LINGO1: variants seen among roughly 807,000 people sequenced by gnomAD.
The protein encoded by LINGO1 is leucine-rich repeat and immunoglobulin-like domain-containing nogo receptor-interacting protein 1.
LINGO1 carries 11 observed loss-of-function variants against 37.3 expected under a neutral mutation model. That is an observed-to-expected ratio of 0.29 (90% CI 0.19 to 0.49). The LOEUF (loss-of-function observed/expected upper bound fraction) is 0.49. Among genes scored for constraint, LINGO1 ranks in the 20% least tolerant of loss-of-function variants. The pLI is 0.99. For synonymous variants in LINGO1, 387 were observed against 403.0 expected, an observed-to-expected ratio of 0.96 and a Z score of 0.48; for missense variants, 585 against 878.2, an observed-to-expected ratio of 0.67 and a Z score of 4.22.
chr15:77,707,714 G>C (rs1596138533), intron 2 of LINGO1, among the ~76,000 whole-genome samples: 1 of 152,332 alleles, frequency 6.6e-6, no homozygotes, highest in East Asian at 1.9e-4. Context: ...CACTGGGCAA[G>C]CTCCAGCAGC....
At chr15:77,769,761 C>T (rs570323128) in intron 1 of LINGO1, among the ~76,000 whole-genome samples, 1 of 152,146 alleles carries the variant, frequency 6.6e-6, no homozygotes, top group South Asian at 2.1e-4. Flanking sequence ...CAGAGGCATT[C>T]CCTGGAAAAG....
rs537840092 is a variant in LINGO1 at position 77,801,029 on chromosome 15, A to G, written c.-457-4976T>C. Among the ~76,000 whole-genome samples, 7 of 152,338 alleles carry G rather than the reference A, an allele frequency of 4.6e-5. No homozygotes were observed. The South Asian group carries it at 1.5e-3, about 32-fold the overall frequency. ...TGATTGATAACAAGCAGTGCTGGCAAGGATGTGGGGAAATGAGCACTCCCA... is the reference window on the plus strand; with the variant it reads ...TGATTGATAACAAGCAGTGCTGGCAGGGATGTGGGGAAATGAGCACTCCCA... On this transcript the variant is annotated intron_variant, in intron 1 of 5. Transcript: ENST00000562933.
upstream of LINGO1, among the ~76,000 whole-genome samples, chr15:77,790,866 A>C (rs1258979987): frequency 6.6e-6 from 1 of 152,200 alleles, no homozygotes; most frequent in Non-Finnish European, 1.5e-5. Flanking sequence ...CCTTGGAGAG[A>C]GTGAGGTCCC....
intron 1 of LINGO1, among the ~76,000 whole-genome samples, chr15:77,786,453 G>A (rs1028209331): frequency 2.6e-5 from 4 of 152,112 alleles, no homozygotes; most frequent in Admixed American, 2.0e-4. Flanking sequence ...CAGACTGCTG[G>A]ATGGTCCCCA....
intron 1 of LINGO1, among the ~76,000 whole-genome samples, chr15:77,758,009 G>T (rs543317211): frequency 1.7e-4 from 26 of 152,316 alleles, no homozygotes; most frequent in African/African-American, 6.3e-4. Context: ...TGACACTGTA[G>T]GAATGGATTT....
intron 1 of LINGO1, among the ~76,000 whole-genome samples, chr15:77,781,673 A>G (rs1045974382): frequency 8.5e-5 from 13 of 152,168 alleles, no homozygotes; most frequent in Non-Finnish European, 1.5e-4. Context: ...TCACATGGAG[A>G]TGGCAGGTGT....
intron 3 of LINGO1, among the ~76,000 whole-genome samples, chr15:77,673,541 C>T (rs2075284580): frequency 6.6e-6 from 1 of 152,216 alleles, no homozygotes; most frequent in South Asian, 2.1e-4. Context: ...CCAGGACATA[C>T]ATGCCTGGTT....
chr15:77,613,934 CG>C lies in LINGO1; in HGVS notation c.*109del. On this transcript the variant is annotated 3_prime_UTR_variant, in exon 2 of 2. Transcript: ENST00000355300. ...ACGGAGGCGGGAGGGAGAAAGAGAACGTGTGTAGAAGGGTAGGGAGGAGGTG... is the reference window on the plus strand; with the variant it reads ...ACGGAGGCGGGAGGGAGAAAGAGAACTGTGTAGAAGGGTAGGGAGGAGGTG... The C allele has an allele frequency of 1.1e-6, 1 of 881,552 alleles. No homozygotes were observed. The highest frequency in any genetic ancestry group is 1.7e-6 in the Non-Finnish European group (1 of 589,460). 54.6% of individuals were successfully genotyped at this position (881,552 alleles called of 1,614,324 possible).
chr15:77,713,468 G>A (rs1228061619), intron 2 of LINGO1, among the ~76,000 whole-genome samples: 1 of 151,866 alleles, frequency 6.6e-6, no homozygotes, highest in Non-Finnish European at 1.5e-5. Context: ...AATTACAGAG[G>A]AGGACAAATT....
intron 3 of LINGO1, among the ~76,000 whole-genome samples, chr15:77,639,837 C>T (rs933311515): frequency 2.0e-5 from 3 of 152,174 alleles, no homozygotes; most frequent in African/African-American, 7.2e-5. Flanking sequence ...ACACCAATTC[C>T]AGAGGACTGT....
chr15:77,750,347 T>C (rs909540196), intron 1 of LINGO1, among the ~76,000 whole-genome samples: 4 of 152,256 alleles, frequency 2.6e-5, no homozygotes, highest in Non-Finnish European at 5.9e-5. Context: ...GGATTAAATA[T>C]AAATAACTAT....
intron 1 of LINGO1, among the ~76,000 whole-genome samples, chr15:77,812,066 C>A (rs1192786298): frequency 1.3e-5 from 2 of 152,216 alleles, no homozygotes; most frequent in Non-Finnish European, 2.9e-5. Context: ...ATCCCCCTGC[C>A]ATCTCCTTTA....
chr15:77,726,407 C>T (rs1044225808), intron 2 of LINGO1, among the ~76,000 whole-genome samples: 3 of 152,176 alleles, frequency 2.0e-5, no homozygotes, highest in African/African-American at 7.2e-5. Flanking sequence ...AGACTCAGGG[C>T]CAGAGCAATA....
At chr15:77,709,878 G>A (rs2075897354) in intron 2 of LINGO1, among the ~76,000 whole-genome samples, 1 of 152,242 alleles carries the variant, frequency 6.6e-6, no homozygotes, top group Non-Finnish European at 1.5e-5. Context: ...ACATATCAGG[G>A]ACTGAGTCCG....
chr15:77,743,459 T>A (rs2076284468), intron 1 of LINGO1, among the ~76,000 whole-genome samples: 1 of 152,284 alleles, frequency 6.6e-6, no homozygotes, highest in Admixed American at 6.5e-5. Context: ...GCCTCAGGCC[T>A]GTGCCCTGTA....
chr15:77,627,890 G>C (rs1330448308), intron 1 of LINGO1, among the ~76,000 whole-genome samples: 2 of 152,202 alleles, frequency 1.3e-5, no homozygotes, highest in African/African-American at 2.4e-5. Context: ...GGGGGAACGG[G>C]TGCCGATGGG....
At chr15:77,665,457 C>T (rs908991676) in intron 3 of LINGO1, among the ~76,000 whole-genome samples, 2 of 152,234 alleles carry the variant, frequency 1.3e-5, no homozygotes, top group Non-Finnish European at 2.9e-5. Flanking sequence ...CTGCCTGGGC[C>T]TCAGTCTCTC....
intron 1 of LINGO1, among the ~76,000 whole-genome samples, chr15:77,767,964 A>G (rs1168512214): frequency 6.6e-6 from 1 of 152,226 alleles, no homozygotes. Context: ...GTAGGGAAGT[A>G]AACACTCAAA....
At chr15:77,671,669 GCCTGGTACCCA>G (rs967192633) in intron 3 of LINGO1, among the ~76,000 whole-genome samples, 3 of 152,226 alleles carry the variant, frequency 2.0e-5, no homozygotes, top group African/African-American at 7.2e-5. Flanking sequence ...GGCGGTCCCC[GCCTGGTACCCA>G]CCTGGGCCTC....
Sources: gnomAD v4.1 joint callset for allele counts (sites outside exome capture counted in the v4.1 genomes callset) on GRCh38, gnomAD v4.1.1 for gene constraint, MANE v1.5 for transcripts, NCBI Gene and HGNC (gene_info 2026-07-23, HGNC 2026-07-21) for gene names.